The following SBF2 variants were observed in gnomAD, a reference collection of about 807,000 sequenced individuals.
SBF2 encodes the protein SET binding factor 2.
SBF2 carries 112 observed loss-of-function variants against 225.2 expected under a neutral mutation model. The ratio of observed to expected loss-of-function variants is 0.50; its 90% confidence interval spans 0.43 to 0.58. The LOEUF is 0.58. Ranked by LOEUF, SBF2 falls within the 20% of genes least tolerant of loss-of-function variation. The probability of loss-of-function intolerance (pLI) is 0.00; values close to 1 mark genes in which losing one functional copy is unlikely to be tolerated. For synonymous variants in SBF2, 763 were observed against 773.3 expected, an observed-to-expected ratio of 0.99 and a Z score of 0.22; for missense variants, 1,996 against 2,206.2, an observed-to-expected ratio of 0.90 and a Z score of 1.91.
rs1554962733 is a variant in SBF2 at position 9,942,891 on chromosome 11, A to AAAG, written c.1860+19065_1860+19066insCTT. On this transcript the variant is annotated intron_variant, in intron 16 of 39. Coordinates refer to ENST00000256190, the MANE Select transcript of SBF2 (RefSeq NM_030962.4). ...AGGAAGAAAGAAAGAAAAGAAAAGA[A>AAAG]AGAGAGAGAGAGAAAGAAAGAAAGA... Among the ~76,000 whole-genome samples, 330 of 65,486 alleles carry AAAG rather than the reference A, an allele frequency of 5.0e-3. 3 individuals are homozygous for AAAG. Among genetic ancestry groups the AAAG allele is most frequent in the Non-Finnish European group, 9.4e-3 (259 of 27,662 alleles). The allele number at this position is 65,486 out of a possible 152,430, so 43.0% of individuals were successfully genotyped here.
At chr11:10,236,876 A>AAAG (rs1260662380) in intron 1 of SBF2, among the ~76,000 whole-genome samples, 2 of 152,238 alleles carry the variant, frequency 1.3e-5, no homozygotes, top group Non-Finnish European at 2.9e-5. Flanking sequence ...AACAAATAGA[A>AAAG]AAGCTGGATA....
chr11:10,222,383 G>A (rs2135409396), intron 1 of SBF2, among the ~76,000 whole-genome samples: 1 of 151,172 alleles, frequency 6.6e-6, no homozygotes, highest in Admixed American at 6.6e-5. Context: ...GCTTAATGAT[G>A]CAGAGAAAAA....
At chr11:10,292,371 T>C (rs1964212295) in intron 1 of SBF2, among the ~76,000 whole-genome samples, 1 of 152,176 alleles carries the variant, frequency 6.6e-6, no homozygotes, top group Admixed American at 6.5e-5. Flanking sequence ...GCAACTTTTT[T>C]GCAAGTCTGT....
At chr11:10,026,176 CT>C (rs1303897712) in intron 6 of SBF2, among the ~76,000 whole-genome samples, 1 of 152,096 alleles carries the variant, frequency 6.6e-6, no homozygotes, top group African/African-American at 2.4e-5. Context: ...CTCCTCCCCC[CT>C]CACAACTCAT....
intron 1 of SBF2, among the ~76,000 whole-genome samples, chr11:10,286,296 G>T (rs1963778004): frequency 6.6e-6 from 1 of 150,774 alleles, no homozygotes; most frequent in African/African-American, 2.4e-5. Context: ...AAATATATAT[G>T]ATTTTTATTT....
At chr11:10,008,534 G>A (rs983745913) in intron 6 of SBF2, among the ~76,000 whole-genome samples, 18 of 152,218 alleles carry the variant, frequency 1.2e-4, no homozygotes, top group African/African-American at 4.1e-4. Flanking sequence ...CCAACTATTG[G>A]CTGTCTTACA....
intron 1 of SBF2, among the ~76,000 whole-genome samples, chr11:10,267,120 A>C (rs1962074584): frequency 6.6e-6 from 1 of 152,094 alleles, no homozygotes; most frequent in Non-Finnish European, 1.5e-5. Flanking sequence ...ATTAAATTAC[A>C]TTAAATTAAA....
At chr11:10,120,941 T>G (rs1263442978) in intron 2 of SBF2, among the ~76,000 whole-genome samples, 1 of 152,116 alleles carries the variant, frequency 6.6e-6, no homozygotes, top group Non-Finnish European at 1.5e-5. Flanking sequence ...ATTTTTTATA[T>G]TTTTGGTAGA....
intron 6 of SBF2, among the ~76,000 whole-genome samples, chr11:10,017,652 A>T (rs1195346797): frequency 6.6e-6 from 1 of 152,178 alleles, no homozygotes; most frequent in Non-Finnish European, 1.5e-5. Flanking sequence ...AAAAAGTAAA[A>T]AGTGTGGTAA....
At chr11:10,046,879 C>CG (rs1949884654) in intron 2 of SBF2, among the ~76,000 whole-genome samples, 1 of 99,614 alleles carries the variant, frequency 1.0e-5, no homozygotes, top group Admixed American at 9.7e-5. Flanking sequence ...TCTGAAAGGA[C>CG]AAAAAAAAAA....
intron 16 of SBF2, among the ~76,000 whole-genome samples, chr11:9,917,959 G>A (rs772289054): frequency 6.6e-5 from 10 of 151,472 alleles, no homozygotes; most frequent in Non-Finnish European, 1.5e-4. Flanking sequence ...TTATTCAGTC[G>A]CCTAGCCAAA....
At chr11:9,928,607 T>G (rs1176686116) in intron 16 of SBF2, among the ~76,000 whole-genome samples, 1 of 152,182 alleles carries the variant, frequency 6.6e-6, no homozygotes, top group African/African-American at 2.4e-5. Context: ...TATTTTAAAC[T>G]AGATAAATGA....
intron 2 of SBF2, among the ~76,000 whole-genome samples, chr11:10,078,157 T>C (rs1237676903): frequency 2.0e-4 from 31 of 152,118 alleles, no homozygotes; most frequent in Admixed American, 2.0e-3. Flanking sequence ...GGAGAGGATA[T>C]GGAGAAATAG....
chr11:9,977,827 T>C (rs1221186553), intron 13 of SBF2, among the ~76,000 whole-genome samples: 4 of 152,204 alleles, frequency 2.6e-5, no homozygotes, highest in Non-Finnish European at 5.9e-5. Context: ...CTAAGCTCAG[T>C]TACAATTCAT....
intron 1 of SBF2, among the ~76,000 whole-genome samples, chr11:10,286,408 ATCTCGGCTCACTGCG>A (rs1245648107): frequency 3.0e-4 from 12 of 39,464 alleles, no homozygotes; most frequent in East Asian, 9.1e-4. Context: ...CAGTTGTGCG[ATCTCGGCTCACTGCG>A]ATCTCGGCTC....
chr11:10,036,250 G>A (rs1949432686), intron 3 of SBF2, among the ~76,000 whole-genome samples: 1 of 152,044 alleles, frequency 6.6e-6, no homozygotes, highest in African/African-American at 2.4e-5. Context: ...ATCACACACT[G>A]GGGCCTGTCA....
intron 2 of SBF2, among the ~76,000 whole-genome samples, chr11:10,168,988 A>G (rs896419481): frequency 6.6e-6 from 1 of 152,196 alleles, no homozygotes; most frequent in Non-Finnish European, 1.5e-5. Context: ...TTTCTTTTGA[A>G]GAGCATTTAA....
At chr11:10,302,005 CT>C (rs1427122979) in intron 1 of SBF2, among the ~76,000 whole-genome samples, 1 of 152,062 alleles carries the variant, frequency 6.6e-6, no homozygotes, top group East Asian at 1.9e-4. Flanking sequence ...TTTCTTTTCT[CT>C]TTTCTTGCCA....
intron 26 of SBF2, among the ~76,000 whole-genome samples, chr11:9,835,906 G>A (rs143975141): frequency 3.1e-4 from 47 of 151,910 alleles, no homozygotes; most frequent in Non-Finnish European, 5.9e-4. Context: ...TATTAAGAAT[G>A]TTGCCATGAA....
Sources: allele counts gnomAD v4.1 joint callset (sites outside exome capture counted in the v4.1 genomes callset), GRCh38; gene constraint gnomAD v4.1.1; transcripts MANE v1.5; gene names NCBI Gene and HGNC (gene_info 2026-07-23, HGNC 2026-07-21).